SLC4A4: variants seen among roughly 807,000 people sequenced by gnomAD.
The protein encoded by SLC4A4 is electrogenic sodium bicarbonate cotransporter 1.
In SLC4A4, 27 loss-of-function variants were observed where a neutral mutation model predicts 111.5. The observed-to-expected ratio is 0.24, with a 90% CI of 0.18 to 0.33. The LOEUF (loss-of-function observed/expected upper bound fraction) is 0.33. SLC4A4 is among the 10% of genes least tolerant of loss of function. SLC4A4 has a pLI of 1.00. For synonymous variants in SLC4A4, 443 were observed against 463.4 expected (o/e 0.96, Z 0.57); for missense variants, 909 against 1,315.5 (o/e 0.69, Z 4.78).
In SLC4A4 at chr4:71,466,837, C is replaced by G. The variant is rs113538049; in HGVS notation, c.1631+260C>G. Among the ~76,000 whole-genome samples, 23 of 151,982 alleles carry G rather than the reference C, an allele frequency of 1.5e-4. 1 individual carries two copies. The highest frequency in any genetic ancestry group is 5.5e-4 in the African/African-American group (23 of 41,496). ...CTTTCCCATTGTCCTGCCCTGTGCT[C>G]TAGGGGCTGATGCCTGTGGACAGCA... On this transcript the variant is annotated intron_variant, in intron 13 of 25. Transcript: ENST00000264485.
chr4:71,539,921 A>G (rs959268058), intron 18 of SLC4A4, among the ~76,000 whole-genome samples: 3 of 152,190 alleles, frequency 2.0e-5, no homozygotes, highest in African/African-American at 7.2e-5. Flanking sequence ...ACTGCAAAAC[A>G]TATAAACTCT....
intron 2 of SLC4A4, among the ~76,000 whole-genome samples, chr4:71,243,850 G>A (rs1476452416): frequency 6.6e-6 from 1 of 152,092 alleles, no homozygotes; most frequent in Non-Finnish European, 1.5e-5. Flanking sequence ...ATATTCTGTT[G>A]ATTTTTGGAA....
At chr4:71,106,694 A>G (rs1238546078) in intron 2 of SLC4A4, among the ~76,000 whole-genome samples, 71 of 142,744 alleles carry the variant, frequency 5.0e-4, no homozygotes, top group African/African-American at 1.8e-3. Context: ...AACACCGCAT[A>G]TTCTCACTCA....
intron 1 of SLC4A4, among the ~76,000 whole-genome samples, chr4:71,092,077 TAG>T (rs1742406741): frequency 6.6e-6 from 1 of 152,192 alleles, no homozygotes; most frequent in South Asian, 2.1e-4. Context: ...TAGTAACACA[TAG>T]AGTTACTACT....
At chr4:71,474,956 C>T (rs2149111641) in intron 14 of SLC4A4, among the ~76,000 whole-genome samples, 1 of 151,766 alleles carries the variant, frequency 6.6e-6, no homozygotes, top group South Asian at 2.1e-4. Flanking sequence ...TGGAGCTCTT[C>T]CTAGGAAAGA....
intron 15 of SLC4A4, among the ~76,000 whole-genome samples, chr4:71,492,959 T>G (rs1730071696): frequency 6.6e-6 from 1 of 152,034 alleles, no homozygotes; most frequent in South Asian, 2.1e-4. Context: ...TAAGTTAACA[T>G]ACTTTATTTC....
intron 3 of SLC4A4, among the ~76,000 whole-genome samples, chr4:71,256,679 G>A (rs936533253): frequency 1.3e-5 from 2 of 152,160 alleles, no homozygotes; most frequent in African/African-American, 4.8e-5. Context: ...ATCGATTAAG[G>A]TAGTGGAGTC....
chr4:71,409,374 C>T (rs1280076745), intron 7 of SLC4A4, among the ~76,000 whole-genome samples: 1 of 152,156 alleles, frequency 6.6e-6, no homozygotes, highest in East Asian at 1.9e-4. Context: ...AAGGTTCAGG[C>T]TGAGGTGGTC....
intron 2 of SLC4A4, among the ~76,000 whole-genome samples, chr4:71,142,662 T>C (rs1232914675): frequency 6.6e-6 from 1 of 151,960 alleles, no homozygotes; most frequent in Non-Finnish European, 1.5e-5. Context: ...TTTTGCAGCA[T>C]CTTTCTGTTG....
chr4:71,241,859 T>C (rs1322802113), intron 2 of SLC4A4, among the ~76,000 whole-genome samples: 1 of 152,230 alleles, frequency 6.6e-6, no homozygotes, highest in Non-Finnish European at 1.5e-5. Flanking sequence ...CCAGAACAGG[T>C]TGAGCCCATA....
At chr4:71,545,343 C>A (rs1338058622) in intron 18 of SLC4A4, among the ~76,000 whole-genome samples, 1 of 151,942 alleles carries the variant, frequency 6.6e-6, no homozygotes, top group Non-Finnish European at 1.5e-5. Flanking sequence ...TCACCAGGTT[C>A]CTAGTGTAAA....
intron 1 of SLC4A4, among the ~76,000 whole-genome samples, chr4:71,089,050 G>A (rs988746075): frequency 1.3e-5 from 2 of 152,040 alleles, no homozygotes; most frequent in Non-Finnish European, 2.9e-5. Flanking sequence ...CCAGTCAGAG[G>A]TAGATTTGGT....
intron 7 of SLC4A4, among the ~76,000 whole-genome samples, chr4:71,418,781 T>C (rs1388038775): frequency 6.6e-6 from 1 of 152,138 alleles, no homozygotes; most frequent in Non-Finnish European, 1.5e-5. Flanking sequence ...AACAGAAAAA[T>C]TTAAAGGTAC....
chr4:71,509,946 G>A (rs1468999217), intron 16 of SLC4A4, among the ~76,000 whole-genome samples: 2 of 152,170 alleles, frequency 1.3e-5, no homozygotes, highest in Non-Finnish European at 2.9e-5. Context: ...TGGGTCCCAG[G>A]ACAGGATTCC....
intron 3 of SLC4A4, among the ~76,000 whole-genome samples, chr4:71,310,682 G>A (rs988395663): frequency 1.3e-5 from 2 of 152,106 alleles, no homozygotes; most frequent in African/African-American, 4.8e-5. Context: ...CCTGAAGAAA[G>A]CACTAAATAT....
At chr4:71,483,994 T>C (rs917977661) in intron 14 of SLC4A4, among the ~76,000 whole-genome samples, 2 of 151,982 alleles carry the variant, frequency 1.3e-5, no homozygotes, top group Non-Finnish European at 1.5e-5. Context: ...TGTCTGTTCA[T>C]GTCCTTAGCC....
intron 16 of SLC4A4, among the ~76,000 whole-genome samples, chr4:71,529,582 G>C (rs767942138): frequency 4.6e-5 from 7 of 152,080 alleles, no homozygotes; most frequent in Non-Finnish European, 8.8e-5. Context: ...AACTAAAGAA[G>C]CAGAATTGCC....
chr4:71,472,127 A>G (rs1008260976), intron 13 of SLC4A4, among the ~76,000 whole-genome samples: 15 of 151,884 alleles, frequency 9.9e-5, no homozygotes, highest in Non-Finnish European at 1.5e-4. Context: ...CTGTCCAGAA[A>G]GTTTCTACTA....
chr4:71,344,862 G>A (rs770197645), intron 4 of SLC4A4, among the ~76,000 whole-genome samples: 37 of 152,130 alleles, frequency 2.4e-4, no homozygotes, highest in Non-Finnish European at 4.9e-4. Context: ...TATTATGGCT[G>A]TAGTACTACT....
Sources: allele counts gnomAD v4.1 joint callset (sites outside exome capture counted in the v4.1 genomes callset), GRCh38; gene constraint gnomAD v4.1.1; transcripts MANE v1.5; gene names NCBI Gene and HGNC (gene_info 2026-07-23, HGNC 2026-07-21).